Variants in LPA observed in about 807,000 individuals in gnomAD.
LPA encodes the protein apolipoprotein(a).
In LPA, 199 loss-of-function variants were observed where a neutral mutation model predicts 197.9. The ratio of observed to expected loss-of-function variants is 1.01; its 90% confidence interval spans 0.90 to 1.13. The LOEUF is 1.13. Among genes scored for constraint, LPA ranks in the 50% most tolerant of loss-of-function variants. The pLI, the probability that LPA is intolerant of heterozygous loss-of-function variation, is 0.00. For synonymous variants in LPA, 715 were observed against 639.5 expected (o/e 1.12, Z -1.78); for missense variants, 1,853 against 1,785.8 (o/e 1.04, Z -0.68).
chr6:160,654,785 T>G (rs1268964591), intron 1 of LPA, among the ~76,000 whole-genome samples: 1 of 152,212 alleles, frequency 6.6e-6, no homozygotes, highest in African/African-American at 2.4e-5. Flanking sequence ...AAAATAAAGA[T>G]ATTTTCTTAG....
At chr6:160,595,184 G>A (rs1448612412) in intron 21 of LPA, among the ~76,000 whole-genome samples, 170 bp downstream of exon 21, 4 of 152,074 alleles carry the variant, frequency 2.6e-5, no homozygotes, top group Admixed American at 2.0e-4. Context: ...AAACATCACA[G>A]CTCTGGTTCT....
chr6:160,596,646 A>G (rs1218913675), intron 20 of LPA, among the ~76,000 whole-genome samples: 2 of 152,180 alleles, frequency 1.3e-5, no homozygotes, highest in Non-Finnish European at 2.9e-5. Context: ...CTCTTGTTGG[A>G]AAATGAAAGT....
chr6:160,634,017 T>C (rs1445506209), intron 7 of LPA, 105 bp from the exon 8 acceptor site: 1 of 1,502,362 alleles, frequency 6.7e-7, no homozygotes, highest in Non-Finnish European at 9.1e-7. Context: ...ATTACGAACG[T>C]TATCTTTCCC....
At chr6:160,604,939 T>C in intron 18 of LPA, 107 bp downstream of exon 18, 1 of 1,526,696 alleles carries the variant, frequency 6.6e-7, no homozygotes, top group South Asian at 1.1e-5. Context: ...CTATGCACTG[T>C]TCATCTGAGA....
At position 160,578,733 on chromosome 6, in the gene LPA, C is replaced by A. The variant is rs777790961; in HGVS notation, c.4290-29G>T. The A allele has an allele frequency of 6.8e-6, 11 of 1,613,492 alleles. No homozygotes were observed. In the East Asian group the frequency reaches 2.0e-4, roughly 29 times the overall value. Reference sequence around the variant, plus strand: ...CAAATTTCAAAACAACACAGGTCACCAGAGATGGGAGAATATTCAAGGGCA... The same window carrying A: ...CAAATTTCAAAACAACACAGGTCACAAGAGATGGGAGAATATTCAAGGGCA... On this transcript the variant is annotated intron_variant, in intron 26 of 38. Transcript: ENST00000316300.
At chr6:160,601,256 CCT>C (rs1562339543) in intron 18 of LPA, among the ~76,000 whole-genome samples, 158 bp from the exon 19 acceptor site, 1 of 152,168 alleles carries the variant, frequency 6.6e-6, no homozygotes, top group East Asian at 1.9e-4. Context: ...AATCTCTAAT[CCT>C]CTCTGCACAT....
chr6:160,600,039 C>T (rs1051499738), intron 19 of LPA, among the ~76,000 whole-genome samples: 2 of 152,118 alleles, frequency 1.3e-5, no homozygotes, highest in Non-Finnish European at 2.9e-5. Context: ...AGTCTCCAAG[C>T]ATTAAAATGG....
At chr6:160,589,493 T>C in intron 24 of LPA, 60 bp downstream of exon 24, 2 of 1,585,608 alleles carry the variant, frequency 1.3e-6, no homozygotes, top group South Asian at 2.2e-5. Flanking sequence ...GAAGCATGGC[T>C]CTTCCAGGAG....
At chr6:160,576,705 T>C (rs1025596358) in intron 28 of LPA, among the ~76,000 whole-genome samples, 36 of 144,916 alleles carry the variant, frequency 2.5e-4, no homozygotes, top group African/African-American at 7.8e-4. Flanking sequence ...TATATATATA[T>C]ATATATATAT....
At chr6:160,634,779 C>A (rs1779771801) in intron 7 of LPA, among the ~76,000 whole-genome samples, 3 of 150,888 alleles carry the variant, frequency 2.0e-5, no homozygotes, top group Non-Finnish European at 1.5e-5. Context: ...GAAGAAATCC[C>A]CAGAAAAGCT....
intron 26 of LPA, among the ~76,000 whole-genome samples, chr6:160,579,398 G>A (rs952751251): frequency 7.9e-5 from 12 of 152,168 alleles, no homozygotes; most frequent in African/African-American, 2.9e-4. Context: ...GGGTTCATGG[G>A]CACGACCTCC....
intron 7 of LPA, among the ~76,000 whole-genome samples, 155 bp downstream of exon 7, chr6:160,634,968 C>A (rs1169685042): frequency 2.7e-5 from 4 of 150,218 alleles, no homozygotes; most frequent in Non-Finnish European, 4.4e-5. Flanking sequence ...CCGCTGGCTC[C>A]CCCAGAGAGT....
At chr6:160,609,633 T>G (rs1251725889) in intron 16 of LPA, among the ~76,000 whole-genome samples, 1 of 152,154 alleles carries the variant, frequency 6.6e-6, no homozygotes, top group Non-Finnish European at 1.5e-5. Context: ...CCGGTATTTG[T>G]ATCTACTCCA....
chr6:160,594,450 C>T (rs1372938488), intron 21 of LPA, among the ~76,000 whole-genome samples: 1 of 152,184 alleles, frequency 6.6e-6, no homozygotes, highest in East Asian at 1.9e-4. Flanking sequence ...GACTGCTATG[C>T]ATCAGGCTGT....
At chr6:160,657,958 G>T (rs1024454052) in intron 1 of LPA, among the ~76,000 whole-genome samples, 1 of 152,142 alleles carries the variant, frequency 6.6e-6, no homozygotes, top group South Asian at 2.1e-4. Context: ...AAGGAATTTA[G>T]CCTAGTTATA....
chr6:160,646,960 T>A (rs62442784), intron 2 of LPA, among the ~76,000 whole-genome samples: 7 of 151,740 alleles, frequency 4.6e-5, no homozygotes, highest in African/African-American at 1.7e-4. Context: ...ACCTTTCCCA[T>A]GGAAAAGCAT....
Position 160,594,118 on chromosome 6 carries a change from C to T in LPA, c.3470-1G>A. The T allele has an allele frequency of 6.2e-7, 1 of 1,613,766 alleles. No homozygotes were observed. The highest frequency in any genetic ancestry group is 2.2e-5 in the East Asian group (1 of 44,864). On this transcript the variant is annotated splice_acceptor_variant, in intron 21 of 38. Transcript: ENST00000316300. LOFTEE classifies it high-confidence loss of function. ...ACCCCGGGGCTTTGCTCCGTTGGTG[C>T]TGAAATTCAAAGAGGAGAAATCAAG...
chr6:160,588,830 T>A (rs1365716422), intron 24 of LPA, among the ~76,000 whole-genome samples: 1 of 152,174 alleles, frequency 6.6e-6, no homozygotes, highest in Non-Finnish European at 1.5e-5. Flanking sequence ...ATGAAGTTGA[T>A]CTCCTTTGAT....
chr6:160,611,415 G>C lies in LPA; in HGVS notation c.2603+147C>G, dbSNP rs886946987. The C allele has an allele frequency of 3.9e-5, 58 of 1,480,226 alleles. 1 individual carries two copies. The highest frequency in any genetic ancestry group is 2.5e-4 in the South Asian group (22 of 88,072). The allele number at this position is 1,480,226 out of a possible 1,614,324, so 91.7% of individuals were successfully genotyped here. A position where few individuals can be genotyped will look rare whatever the true frequency, so the allele number is the denominator to read the frequency against. Reference sequence around the variant, plus strand: ...ACATTTCTCTTCTCTCAGACCCTTAGCTCCAAGGAAATCATCCTGAGACAT... The same window carrying C: ...ACATTTCTCTTCTCTCAGACCCTTACCTCCAAGGAAATCATCCTGAGACAT... On this transcript the variant is annotated intron_variant, in intron 16 of 38. Transcript: ENST00000316300.
Sources: gnomAD v4.1 joint callset for allele counts (sites outside exome capture counted in the v4.1 genomes callset) on GRCh38, gnomAD v4.1.1 for gene constraint, MANE v1.5 for transcripts, NCBI Gene and HGNC (gene_info 2026-07-23, HGNC 2026-07-21) for gene names.